The following MYCBP2 variants were observed in gnomAD, a reference collection of about 807,000 sequenced individuals.
MYCBP2 encodes MYC binding protein 2.
A neutral mutation model predicts 525.3 loss-of-function variants in MYCBP2; 120 were observed. That is an observed-to-expected ratio of 0.23 (90% confidence interval 0.20 to 0.27). The LOEUF (loss-of-function observed/expected upper bound fraction) is 0.27. Among genes scored for constraint, MYCBP2 ranks in the 10% least tolerant of loss-of-function variants. The pLI, the probability that MYCBP2 is intolerant of heterozygous loss-of-function variation, is 1.00. For synonymous variants in MYCBP2, 1,894 were observed against 1,955.8 expected (o/e 0.97, Z 0.83); for missense variants, 4,149 against 5,657.1 (o/e 0.73, Z 8.55).
intron 10 of MYCBP2, among the ~76,000 whole-genome samples, chr13:77,262,758 T>C (rs1254086129): frequency 2.0e-5 from 3 of 152,000 alleles, no homozygotes; most frequent in Non-Finnish European, 4.4e-5. Context: ...CTATGAGTAA[T>C]TGTAGCTTTA....
intron 55 of MYCBP2, among the ~76,000 whole-genome samples, chr13:77,116,877 C>T (rs562683560): frequency 4.5e-4 from 68 of 152,106 alleles, no homozygotes; most frequent in African/African-American, 1.6e-3. Context: ...TTTGTAAAGA[C>T]TTGCAATGAT....
chr13:77,133,020 T>A (rs1295633633), intron 52 of MYCBP2, among the ~76,000 whole-genome samples: 6 of 152,324 alleles, frequency 3.9e-5, no homozygotes, highest in Admixed American at 2.0e-4. Context: ...ATTAAGGTTA[T>A]AAGTATTTAT....
intron 23 of MYCBP2, among the ~76,000 whole-genome samples, chr13:77,209,340 A>C (rs2063711285): frequency 6.6e-6 from 1 of 152,260 alleles, no homozygotes; most frequent in Non-Finnish European, 1.5e-5. Flanking sequence ...AACTTAGTGA[A>C]TGCATCCAGA....
At chr13:77,243,020 T>C (rs2069150494) in intron 17 of MYCBP2, 39 bp downstream of exon 17, 1 of 1,561,158 alleles carries the variant, frequency 6.4e-7, no homozygotes, top group African/African-American at 1.4e-5. Flanking sequence ...GGTAGGAAAG[T>C]GGATTTTCAT....
At chr13:77,222,857 A>G (rs1322362058) in intron 20 of MYCBP2, among the ~76,000 whole-genome samples, 1 of 152,200 alleles carries the variant, frequency 6.6e-6, no homozygotes, top group Non-Finnish European at 1.5e-5. Context: ...TTTAATGACT[A>G]TGTGAAGGTA....
Position 77,176,716 on chromosome 13 carries a change from A to C in MYCBP2, c.5341-88T>G, listed in dbSNP as rs898053311. 1.6e-5 allele frequency: 17 copies of C among 1,081,030 alleles called. No individual in the cohort carries two copies. In the African/African-American group the frequency reaches 2.3e-4, roughly 14 times the overall value. 67.0% of individuals were successfully genotyped at this position (1,081,030 alleles called of 1,614,324 possible). ...TTTGATTTATAATTATTATTTTTAAAATTTATTTTCTTGAATATAAAATTA... is the reference window on the plus strand; with the variant it reads ...TTTGATTTATAATTATTATTTTTAACATTTATTTTCTTGAATATAAAATTA... On this transcript the variant is annotated intron_variant, in intron 35 of 82. Transcript: ENST00000544440.
At chr13:77,311,465 CT>C (rs1375528422) in intron 1 of MYCBP2, among the ~76,000 whole-genome samples, 1 of 151,874 alleles carries the variant, frequency 6.6e-6, no homozygotes, top group East Asian at 1.9e-4. Flanking sequence ...CCAACAATGA[CT>C]GGAAGGCAAC....
intron 2 of MYCBP2, among the ~76,000 whole-genome samples, chr13:77,294,254 G>T (rs1241637928): frequency 6.7e-5 from 10 of 150,110 alleles, no homozygotes; most frequent in Non-Finnish European, 1.5e-5. Context: ...TCTGGAAAAA[G>T]TAATACAGGT....
intron 68 of MYCBP2, among the ~76,000 whole-genome samples, chr13:77,074,781 A>G (rs1174070283): frequency 1.3e-5 from 2 of 152,244 alleles, no homozygotes; most frequent in African/African-American, 2.4e-5. Context: ...GAGTGGTTCC[A>G]TTTATATGAC....
intron 69 of MYCBP2, among the ~76,000 whole-genome samples, chr13:77,069,418 C>G (rs149291522): frequency 6.6e-6 from 1 of 151,756 alleles, no homozygotes; most frequent in African/African-American, 2.4e-5. Flanking sequence ...ATCAGGAGAT[C>G]GAGACCATCC....
Position 77,063,643 on chromosome 13 carries a change from T to C in MYCBP2, c.12673-946A>G, listed in dbSNP as rs183830201. 2.5e-3 allele frequency among the ~76,000 whole-genome samples: 382 copies of C among 151,870 alleles called. 2 individuals carry two copies. In the Middle Eastern group the frequency reaches 0.045, roughly 18 times the overall value. On this transcript the variant is annotated intron_variant, in intron 73 of 82. Coordinates refer to ENST00000544440, the MANE Select transcript of MYCBP2 (RefSeq NM_015057.5). ...GCTTAAAGGGTAAGCTTCAGTTTTATATAGAATGATATATCCCCTCATTAA... is the reference window on the plus strand; with the variant it reads ...GCTTAAAGGGTAAGCTTCAGTTTTACATAGAATGATATATCCCCTCATTAA...
At chr13:77,256,107 A>C (rs925827181) in intron 14 of MYCBP2, among the ~76,000 whole-genome samples, 2 of 152,032 alleles carry the variant, frequency 1.3e-5, no homozygotes, top group Admixed American at 6.6e-5. Context: ...GGAGCAAAGG[A>C]TATTGTGAAG....
intron 31 of MYCBP2, 146 bp from the exon 32 acceptor site, chr13:77,185,523 G>T: frequency 1.1e-6 from 1 of 898,918 alleles, no homozygotes; most frequent in Non-Finnish European, 1.6e-6. Context: ...ATTAAGTGTA[G>T]TCCCAATTTT....
At chr13:77,091,391 TA>T (rs1276576976) in intron 59 of MYCBP2, among the ~76,000 whole-genome samples, 3 of 137,240 alleles carry the variant, frequency 2.2e-5, no homozygotes, top group South Asian at 4.5e-4. Flanking sequence ...TCTACTAACT[TA>T]AAAAAAATTA....
At chr13:77,306,221 G>A in intron 1 of MYCBP2, among the ~76,000 whole-genome samples, 1 of 152,156 alleles carries the variant, frequency 6.6e-6, no homozygotes, top group East Asian at 1.9e-4. Context: ...AGCACCTTAT[G>A]TAAACTGAAG....
chr13:77,130,591 A>G (rs879545107), intron 52 of MYCBP2, among the ~76,000 whole-genome samples: 6 of 152,100 alleles, frequency 3.9e-5, no homozygotes, highest in Non-Finnish European at 8.8e-5. Flanking sequence ...AAAAGTGGAT[A>G]GGGAATACGT....
rs144088780 is a variant in MYCBP2, at chr13:77,058,939, C to T, written c.13141-533G>A. On this transcript the variant is annotated intron_variant, in intron 77 of 82. Transcript: ENST00000544440. The surrounding 1 kb of genome is among the most constrained non-coding windows in gnomAD (Gnocchi z 4.1). ...GGCGGAGGTTGCAGTGAGCCGAGAT[C>T]GTGCCACTGTACTCCAGCCTGGGCG... 0.043 allele frequency among the ~76,000 whole-genome samples: 6,581 copies of T among 152,102 alleles called. 219 individuals are homozygous for T. The highest frequency in any genetic ancestry group is 0.072 in the South Asian group (348 of 4,800).
intron 30 of MYCBP2, among the ~76,000 whole-genome samples, chr13:77,186,619 C>T (rs2060745563): frequency 6.6e-6 from 1 of 151,694 alleles, no homozygotes; most frequent in African/African-American, 2.4e-5. Flanking sequence ...CTAAAAAATT[C>T]CTATTTTGAT....
At chr13:77,160,897 AAGT>A (rs543897687) in intron 44 of MYCBP2, among the ~76,000 whole-genome samples, 127 of 152,322 alleles carry the variant, frequency 8.3e-4, no homozygotes, top group Non-Finnish European at 1.6e-3. Context: ...TGCTGATAAA[AAGT>A]AGTACATTTT....
Sources: gnomAD v4.1 joint callset for allele counts (sites outside exome capture counted in the v4.1 genomes callset) on GRCh38, gnomAD v4.1.1 for gene constraint, Gnocchi (gnomAD v3.1) non-coding constraint, MANE v1.5 for transcripts, NCBI Gene and HGNC (gene_info 2026-07-23, HGNC 2026-07-21) for gene names.